PHLPP1: variants seen among roughly 807,000 people sequenced by gnomAD.
The protein encoded by PHLPP1 is PH domain and leucine rich repeat protein phosphatase 1.
A neutral mutation model predicts 117.2 loss-of-function variants in PHLPP1; 42 were observed. The ratio of observed to expected loss-of-function variants is 0.36; its 90% CI spans 0.28 to 0.46. PHLPP1 has a LOEUF of 0.46. Ranked by LOEUF, PHLPP1 falls within the 20% of genes least tolerant of loss-of-function variation. PHLPP1 has a pLI of 1.00. For missense variants in PHLPP1, 2,084 were observed against 2,241.9 expected (o/e 0.93, Z 1.42); for synonymous variants, 1,042 against 970.7 (o/e 1.07, Z -1.37).
chr18:62,790,643 C>T (rs1306706838), intron 1 of PHLPP1, among the ~76,000 whole-genome samples: 46 of 152,068 alleles, frequency 3.0e-4, no homozygotes, highest in Admixed American at 3.0e-3. Context: ...TAAAAAGTCA[C>T]AGCATTTAAG....
chr18:62,826,170 C>G, intron 1 of PHLPP1: 1 of 239,282 alleles, frequency 4.2e-6, no homozygotes, highest in Non-Finnish European at 8.7e-6. Context: ...TTTTTTTTTT[C>G]TGGAGGTCCA....
Position 62,851,154 on chromosome 18 carries a change from G to T in PHLPP1, c.1900-9281G>T, listed in dbSNP as rs375007409. On this transcript the variant is annotated intron_variant, in intron 3 of 16. Transcript: ENST00000262719. The stretch of plus-strand genomic sequence containing the variant: ...ATTCAGGTTAGCTTGATGGCCCCGC[G>T]CATGCTGCCTCCTCATCCCCATCCC... 2.0e-5 allele frequency among the ~76,000 whole-genome samples: 3 copies of T among 152,114 alleles called. No individual in the cohort carries two copies. The South Asian group carries it at 6.2e-4, about 32-fold the overall frequency.
intron 1 of PHLPP1, among the ~76,000 whole-genome samples, chr18:62,803,594 G>A (rs1278378217): frequency 6.6e-6 from 1 of 152,098 alleles, no homozygotes; most frequent in African/African-American, 2.4e-5. Context: ...TACTGTTTTT[G>A]GACAGCTGTG....
intron 10 of PHLPP1, among the ~76,000 whole-genome samples, chr18:62,936,957 TA>T (rs1307891426): frequency 6.6e-6 from 1 of 152,246 alleles, no homozygotes; most frequent in Non-Finnish European, 1.5e-5. Flanking sequence ...GAGGGTTGCC[TA>T]AAAGTAAGAG....
At position 62,716,665 on chromosome 18, in the gene PHLPP1, C is replaced by T. The variant is rs377619069; in HGVS notation, c.982C>T (p.Pro328Ser). 18 of 1,438,424 alleles carry T rather than the reference C, an allele frequency of 1.3e-5. No homozygotes were observed. In the African/African-American group the frequency reaches 1.6e-4, roughly 13 times the overall value. 89.1% of individuals were successfully genotyped at this position (1,438,424 alleles called of 1,614,324 possible). The change falls in exon 1 of 17, where the codon CCG (proline) becomes TCG (serine). Residue 328 changes from proline to serine, a missense_variant. Pro to Ser is a moderately conservative substitution (Grantham distance 74, BLOSUM62 -1). Transcript: ENST00000262719. The surrounding 1 kb of genome is among the most constrained non-coding windows in gnomAD (Gnocchi z 5.7). ...PAPSDSSPGEPFVGGPVSSPR... is the reference protein window; with the variant it reads ...PAPSDSSPGESFVGGPVSSPR... ...GCCCTCGGACTCCAGCCCCGGCGAG[C>T]CGTTCGTTGGGGGCCCTGTCTCTTC...
At chr18:62,971,107 C>G (rs944854738) in intron 14 of PHLPP1, among the ~76,000 whole-genome samples, 1 of 152,204 alleles carries the variant, frequency 6.6e-6, no homozygotes, top group African/African-American at 2.4e-5. Context: ...TGGGCACGTC[C>G]TGGTTTCCCC....
chr18:62,900,890 C>T (rs1354610260), intron 6 of PHLPP1, among the ~76,000 whole-genome samples: 2 of 152,100 alleles, frequency 1.3e-5, no homozygotes, highest in Non-Finnish European at 2.9e-5. Flanking sequence ...ACGTATATTT[C>T]AAAAGTCATG....
intron 4 of PHLPP1, among the ~76,000 whole-genome samples, chr18:62,873,682 T>C (rs1454024633): frequency 6.6e-6 from 1 of 152,154 alleles, no homozygotes; most frequent in Non-Finnish European, 1.5e-5. Flanking sequence ...AGTTGGTATT[T>C]TAAATGACTT....
chr18:62,926,050 C>G (rs1599124479), intron 10 of PHLPP1, among the ~76,000 whole-genome samples: 1 of 152,206 alleles, frequency 6.6e-6, no homozygotes, highest in Non-Finnish European at 1.5e-5. Context: ...TACATCCCCT[C>G]TCTGCTTTTT....
At chr18:62,883,065 C>T (rs1452142526) in intron 4 of PHLPP1, among the ~76,000 whole-genome samples, 1 of 151,498 alleles carries the variant, frequency 6.6e-6, no homozygotes, top group Non-Finnish European at 1.5e-5. Flanking sequence ...TAAAACATGT[C>T]AGGTGGAATT....
intron 4 of PHLPP1, among the ~76,000 whole-genome samples, chr18:62,870,606 A>G (rs1194240964): frequency 1.3e-5 from 2 of 152,238 alleles, no homozygotes; most frequent in African/African-American, 4.8e-5. Flanking sequence ...TTAGGTTACA[A>G]TGTTAGGACA....
chr18:62,893,999 A>G (rs756264810), intron 4 of PHLPP1, among the ~76,000 whole-genome samples: 4 of 152,224 alleles, frequency 2.6e-5, no homozygotes, highest in African/African-American at 9.6e-5. Flanking sequence ...ATAGGAGTCA[A>G]AACATTTCCA....
chr18:62,731,959 C>T (rs1372621841), intron 1 of PHLPP1, among the ~76,000 whole-genome samples: 2 of 152,178 alleles, frequency 1.3e-5, no homozygotes, highest in African/African-American at 4.8e-5. Flanking sequence ...AAGTTTGAAG[C>T]TAGCAGAGGT....
At chr18:62,880,939 T>C (rs534213185) in intron 4 of PHLPP1, among the ~76,000 whole-genome samples, 2 of 152,340 alleles carry the variant, frequency 1.3e-5, no homozygotes, top group East Asian at 1.9e-4. Context: ...CTCTCCACCA[T>C]AGGCAGGAGC....
intron 9 of PHLPP1, among the ~76,000 whole-genome samples, chr18:62,915,669 T>C (rs683109): frequency 6.6e-6 from 1 of 152,056 alleles, no homozygotes; most frequent in Non-Finnish European, 1.5e-5. Flanking sequence ...TTAGTGGACT[T>C]TTAGTGACTA....
intron 1 of PHLPP1, among the ~76,000 whole-genome samples, chr18:62,734,200 G>A (rs1599018057): frequency 6.6e-6 from 1 of 152,034 alleles, no homozygotes. Context: ...CTTCTGAAGG[G>A]AGGTACTTTT....
chr18:62,808,809 C>T (rs943702674), intron 1 of PHLPP1, among the ~76,000 whole-genome samples: 2 of 152,192 alleles, frequency 1.3e-5, no homozygotes, highest in African/African-American at 4.8e-5. Flanking sequence ...CCACCTCGGC[C>T]TCCCAAAGTG....
chr18:62,898,798 A>T (rs1459126735), intron 6 of PHLPP1, among the ~76,000 whole-genome samples: 2 of 151,316 alleles, frequency 1.3e-5, no homozygotes, highest in African/African-American at 4.9e-5. Flanking sequence ...TGTTTTATTT[A>T]TTATTATTAT....
chr18:62,763,230 C>T (rs866739475), intron 1 of PHLPP1, among the ~76,000 whole-genome samples: 2 of 152,196 alleles, frequency 1.3e-5, no homozygotes, highest in Non-Finnish European at 2.9e-5. Context: ...AGTAACTTGT[C>T]TGTTCTACTG....
Sources: allele counts gnomAD v4.1 joint callset (sites outside exome capture counted in the v4.1 genomes callset), GRCh38; gene constraint gnomAD v4.1.1; non-coding constraint Gnocchi (gnomAD v3.1); transcripts MANE v1.5; gene names NCBI Gene and HGNC (gene_info 2026-07-23, HGNC 2026-07-21).